The following MTMR14 variants were observed in gnomAD, a reference collection of about 807,000 sequenced individuals.
MTMR14 encodes phosphatidylinositol-3,5-bisphosphate 3-phosphatase MTMR14.
Under a neutral mutation model 86.3 loss-of-function variants are expected in MTMR14, and 48 were observed. The observed-to-expected ratio is 0.56, with a 90% CI of 0.44 to 0.71. The LOEUF (loss-of-function observed/expected upper bound fraction) is 0.71. Among genes scored for constraint, MTMR14 ranks in the 30% least tolerant of loss-of-function variants. The probability of loss-of-function intolerance (pLI) is 0.00; values close to 1 mark genes in which losing one functional copy is unlikely to be tolerated. For synonymous variants in MTMR14, 366 were observed against 326.1 expected (o/e 1.12, Z -1.32); for missense variants, 780 against 834.6 (o/e 0.93, Z 0.81).
At chr3:9,652,897 G>A (rs576752108) in intron 1 of MTMR14, among the ~76,000 whole-genome samples, 1 of 152,168 alleles carries the variant, frequency 6.6e-6, no homozygotes, top group Non-Finnish European at 1.5e-5. Flanking sequence ...AGCTGAGATC[G>A]TGCCACTGCA....
intron 2 of MTMR14, among the ~76,000 whole-genome samples, chr3:9,654,223 G>C (rs1417660706): frequency 6.6e-6 from 1 of 152,104 alleles, no homozygotes; most frequent in Non-Finnish European, 1.5e-5. Flanking sequence ...ACTGATGCTG[G>C]GCAAGTTACT....
chr3:9,666,802 T>C (rs1574972649), intron 3 of MTMR14, among the ~76,000 whole-genome samples: 1 of 152,266 alleles, frequency 6.6e-6, no homozygotes, highest in East Asian at 1.9e-4. Context: ...CATTCCTAAC[T>C]AGGTAAATGG....
rs147114739 is a variant in MTMR14, at chr3:9,687,803, C to T, written c.1165-18C>T. ...CCTTGGTTCTTCTCATTGTGCGCTGCTCTTTGGTCTCCTTTAGATTTTCTT... is the reference window on the plus strand; with the variant it reads ...CCTTGGTTCTTCTCATTGTGCGCTGTTCTTTGGTCTCCTTTAGATTTTCTT... On this transcript the variant is annotated intron_variant, in intron 13 of 18. Transcript: ENST00000296003. 249 of 1,562,592 alleles carry T rather than the reference C, an allele frequency of 1.6e-4. No individual in the cohort carries two copies. The African/African-American group carries it at 2.8e-3, about 18-fold the overall frequency.
rs1575104390 is a variant in MTMR14 at position 9,701,012 on chromosome 3, T to G, written c.1770-778T>G. ...TTTTATATTTTCAGTAGAGACAGGG[T>G]TTTGCCATGTTGGCCAAGCTAGTCT... On this transcript the variant is annotated intron_variant, in intron 18 of 18. Transcript: ENST00000296003. This position sits in a 1 kb window ranked among gnomAD's most constrained non-coding sequence, Gnocchi z 4.2. The G allele has an allele frequency of 6.6e-6, 1 of 152,194 alleles. No homozygotes were observed. The highest frequency in any genetic ancestry group is 1.5e-5 in the Non-Finnish European group (1 of 68,060). 9.4% of individuals were successfully genotyped at this position (152,194 alleles called of 1,614,324 possible).
chr3:9,671,930 A>C (rs2048586444), intron 6 of MTMR14, among the ~76,000 whole-genome samples: 1 of 152,210 alleles, frequency 6.6e-6, no homozygotes, highest in African/African-American at 2.4e-5. Flanking sequence ...TCAGATCTGA[A>C]TATTGCCTTA....
intron 2 of MTMR14, among the ~76,000 whole-genome samples, chr3:9,656,422 T>C (rs936235221): frequency 1.4e-5 from 2 of 144,758 alleles, no homozygotes; most frequent in Admixed American, 1.3e-4. Context: ...TAGGTAAGCT[T>C]AGTTTCTTTT....
rs1233383817 is a variant in MTMR14, at chr3:9,697,804, T to C, written c.1707T>C (p.Ala569=). 6.2e-7 allele frequency: 1 copy of C among 1,614,230 alleles called. No individual in the cohort carries two copies. The highest frequency in any genetic ancestry group is 1.7e-5 in the Admixed American group (1 of 60,022). Residue 569 remains alanine (A), a synonymous_variant, in exon 18 of 19, where the codon GCT becomes GCC. Coordinates refer to ENST00000296003, the MANE Select transcript of MTMR14 (RefSeq NM_001077525.3). ...VTGCGSIQER[A]VLHTDSSLPF... ...GCTGTGGCAGTATTCAGGAGCGGGCTGTCCTGCACACAGACTCCTCTCTCC... is the reference window on the plus strand; with the variant it reads ...GCTGTGGCAGTATTCAGGAGCGGGCCGTCCTGCACACAGACTCCTCTCTCC...
Position 9,701,470 on chromosome 3 carries a change from G to A in MTMR14, c.1770-320G>A. On this transcript the variant is annotated intron_variant, in intron 18 of 18. Transcript: ENST00000296003. The surrounding 1 kb of genome is among the most constrained non-coding windows in gnomAD (Gnocchi z 4.2). ...AGGATGGCTTGAGGCTACAGTGAGCGCTGATTGTGTCACTGCATTCCAGCC... is the reference window on the plus strand; with the variant it reads ...AGGATGGCTTGAGGCTACAGTGAGCACTGATTGTGTCACTGCATTCCAGCC... 1 of 370,642 alleles carries A rather than the reference G, an allele frequency of 2.7e-6. No individual in the cohort carries two copies. Among genetic ancestry groups the A allele is most frequent in the South Asian group, 2.3e-5 (1 of 43,820 alleles). The allele number at this position is 370,642 out of a possible 1,614,324, so 23.0% of individuals were successfully genotyped here.
chr3:9,677,490 G>A lies in MTMR14; in HGVS notation c.822+103G>A. 3 of 1,023,774 alleles carry A rather than the reference G, an allele frequency of 2.9e-6. No individual in the cohort carries two copies. Among genetic ancestry groups the A allele is most frequent in the Non-Finnish European group, 4.6e-6 (3 of 649,764 alleles). 63.4% of individuals were successfully genotyped at this position (1,023,774 alleles called of 1,614,324 possible). A position where few individuals can be genotyped will look rare whatever the true frequency, so the allele number is the denominator to read the frequency against. On this transcript the variant is annotated intron_variant, in intron 8 of 18. Coordinates refer to ENST00000296003, the MANE Select transcript of MTMR14 (RefSeq NM_001077525.3). The surrounding 1 kb of genome is among the most constrained non-coding windows in gnomAD (Gnocchi z 4.2). Reference sequence around the variant, plus strand: ...TGGGGAAAACAACAAGCAGTCTTTGGGGAAAATAACTCCCCTTTCCTCCCT... The same window carrying A: ...TGGGGAAAACAACAAGCAGTCTTTGAGGAAAATAACTCCCCTTTCCTCCCT...
chr3:9,682,938 C>G (rs977708107), intron 9 of MTMR14, among the ~76,000 whole-genome samples: 12 of 151,642 alleles, frequency 7.9e-5, no homozygotes, highest in African/African-American at 2.9e-4. Context: ...TCAGAGCCCC[C>G]CCCCCGCCCC....
At chr3:9,654,879 A>G (rs775522752) in intron 2 of MTMR14, among the ~76,000 whole-genome samples, 7 of 152,220 alleles carry the variant, frequency 4.6e-5, no homozygotes, top group East Asian at 1.9e-4. Context: ...CCGTAGGCCA[A>G]CTGGGGAAAT....
intron 1 of MTMR14, chr3:9,650,375 C>G: frequency 2.2e-6 from 1 of 456,682 alleles, no homozygotes; most frequent in Non-Finnish European, 4.4e-6. Flanking sequence ...TCAGGCCATC[C>G]CCACCCTAAG....
intron 9 of MTMR14, among the ~76,000 whole-genome samples, chr3:9,680,076 C>G (rs1362897614): frequency 6.6e-6 from 1 of 152,200 alleles, no homozygotes; most frequent in African/African-American, 2.4e-5. Context: ...CACAGCCAGG[C>G]CTCTCTGATC....
chr3:9,668,936 G>A (rs1279100321), intron 4 of MTMR14, 142 bp downstream of exon 4: 19 of 865,436 alleles, frequency 2.2e-5, no homozygotes, highest in East Asian at 5.1e-5. Context: ...TCAGGAGTTC[G>A]AGACCATCCT....
At position 9,690,012 on chromosome 3, in the gene MTMR14, A is replaced by G. The variant is rs777983428; in HGVS notation, c.1482A>G (p.Pro494=). The change falls in exon 17 of 19, where the codon CCA becomes CCG. Residue 494 remains proline, a synonymous_variant. Coordinates refer to ENST00000296003, the MANE Select transcript of MTMR14 (RefSeq NM_001077525.3). Reference sequence around the variant, plus strand: ...CACAGAGTGTCCTCTGGAACCGGCCACAACCCTCAGAGGACCGCTTGCCTT... The same window carrying G: ...CACAGAGTGTCCTCTGGAACCGGCCGCAACCCTCAGAGGACCGCTTGCCTT... ...SSPQSVLWNR[P]QPSEDRLPSQ... 5 of 1,612,154 alleles carry G rather than the reference A, an allele frequency of 3.1e-6. 1 individual carries two copies. In the South Asian group the frequency reaches 4.4e-5, roughly 14 times the overall value.
chr3:9,674,645 C>A (rs1311279201), intron 7 of MTMR14, among the ~76,000 whole-genome samples: 1 of 152,000 alleles, frequency 6.6e-6, no homozygotes, highest in Non-Finnish European at 1.5e-5. Flanking sequence ...ATAGAAAATG[C>A]TTACACTTTT....
At chr3:9,687,685 G>T (rs2076005416) in intron 13 of MTMR14, 136 bp from the exon 14 acceptor site, 4 of 733,490 alleles carry the variant, frequency 5.5e-6, no homozygotes, top group Non-Finnish European at 9.6e-6. Flanking sequence ...ACCATTTATG[G>T]ACCAGAACAC....
intron 9 of MTMR14, 122 bp downstream of exon 9, chr3:9,678,180 GC>G (rs145599359): frequency 0.011 from 9,986 of 878,806 alleles, 164 homozygotes; most frequent in African/African-American, 0.068. Flanking sequence ...GCACTCAGAT[GC>G]CTTTGGCCCT....
chr3:9,669,551 G>T, intron 5 of MTMR14, 59 bp downstream of exon 5: 2 of 1,545,854 alleles, frequency 1.3e-6, no homozygotes, highest in South Asian at 1.2e-5. Flanking sequence ...TCTGGCCAGA[G>T]ATGGCCATGT....
Sources: allele counts gnomAD v4.1 joint callset (sites outside exome capture counted in the v4.1 genomes callset), GRCh38; gene constraint gnomAD v4.1.1; non-coding constraint Gnocchi (gnomAD v3.1); transcripts MANE v1.5; gene names NCBI Gene and HGNC (gene_info 2026-07-23, HGNC 2026-07-21).